The following TMEM117 variants were observed in gnomAD, a reference collection of about 807,000 sequenced individuals.
The protein encoded by TMEM117 is transmembrane protein 117.
Under a neutral mutation model 52.4 loss-of-function variants are expected in TMEM117, and 27 were observed. That is an observed-to-expected ratio of 0.51 (90% CI 0.38 to 0.71). The LOEUF (loss-of-function observed/expected upper bound fraction) is 0.71, where lower values mean the gene tolerates loss of function less well. TMEM117 is among the 30% of genes least tolerant of loss of function. The probability of loss-of-function intolerance (pLI) is 0.00; values close to 1 mark genes in which losing one functional copy is unlikely to be tolerated. For missense variants in TMEM117, 556 were observed against 630.5 expected, an observed-to-expected ratio of 0.88 and a Z score of 1.26; for synonymous variants, 215 against 206.3, an observed-to-expected ratio of 1.04 and a Z score of -0.36.
downstream of TMEM117, among the ~76,000 whole-genome samples, chr12:44,391,758 A>G (rs1341379065): frequency 2.0e-5 from 3 of 152,114 alleles, no homozygotes; most frequent in Non-Finnish European, 2.9e-5. Context: ...TTCAGCTAAG[A>G]CCTCAGTACC....
rs1038552321 is a variant in TMEM117 at position 43,929,196 on chromosome 12, T to A, written c.278-15014T>A. On this transcript the variant is annotated intron_variant, in intron 2 of 7. Transcript: ENST00000266534. ...CTGATTTCCACAATGGTTGAACTAG[T>A]TTACAGTCCCACCAACAGTGTAAAC... Among the ~76,000 whole-genome samples the A allele has an allele frequency of 4.6e-5, 7 of 152,300 alleles. No individual in the cohort carries two copies. The East Asian group carries it at 1.4e-3, about 29-fold the overall frequency.
intron 3 of TMEM117, among the ~76,000 whole-genome samples, chr12:43,995,822 A>G (rs1210058361): frequency 1.3e-5 from 2 of 152,216 alleles, no homozygotes; most frequent in African/African-American, 4.8e-5. Context: ...ATAAATTTCC[A>G]GATTATAAAA....
At chr12:44,228,370 A>C (rs1048477506) in intron 5 of TMEM117, among the ~76,000 whole-genome samples, 1 of 152,112 alleles carries the variant, frequency 6.6e-6, no homozygotes, top group Non-Finnish European at 1.5e-5. Context: ...CCTAATTATA[A>C]ATTTGACAAA....
chr12:44,063,059 G>GA (rs1947164092), intron 3 of TMEM117, among the ~76,000 whole-genome samples: 1 of 152,118 alleles, frequency 6.6e-6, no homozygotes, highest in African/African-American at 2.4e-5. Flanking sequence ...CTTCTCAGTT[G>GA]AACAGTCTGA....
chr12:44,174,049 C>A (rs1350430844), intron 4 of TMEM117, among the ~76,000 whole-genome samples: 1 of 152,008 alleles, frequency 6.6e-6, no homozygotes, highest in Non-Finnish European at 1.5e-5. Context: ...AGTTTTTAAG[C>A]TTTTTCCATG....
At chr12:43,830,610 CAAAA>C in the TMEM117 span, among the ~76,000 whole-genome samples, 7 of 94,770 alleles carry the variant, frequency 7.4e-5, no homozygotes, top group Non-Finnish European at 2.4e-5. Context: ...ACACTTGTCT[CAAAA>C]AAAAAAAAAA....
At chr12:43,948,615 C>T (rs892244046) in intron 3 of TMEM117, among the ~76,000 whole-genome samples, 17 of 152,156 alleles carry the variant, frequency 1.1e-4, no homozygotes, top group Admixed American at 5.2e-4. Context: ...CTAAACTCAT[C>T]ATTTTATAAA....
chr12:43,903,250 T>C (rs563410198), intron 2 of TMEM117, among the ~76,000 whole-genome samples: 2 of 152,320 alleles, frequency 1.3e-5, no homozygotes, highest in East Asian at 3.9e-4. Context: ...TTTTCTAGTG[T>C]GCTGGATGGG....
Position 43,979,801 on chromosome 12 carries a change from C to T in TMEM117, c.410+35459C>T, listed in dbSNP as rs189404349. On this transcript the variant is annotated intron_variant, in intron 3 of 7. Coordinates refer to ENST00000266534, the MANE Select transcript of TMEM117 (RefSeq NM_032256.3). ...TTGCTCCTCAACTAATTCATGGGCT[C>T]GTAATTTCTCTCCCTTTAAAGGCTA... Among the ~76,000 whole-genome samples the T allele has an allele frequency of 5.5e-4, 83 of 152,182 alleles. No homozygotes were observed. In the East Asian group the frequency reaches 0.011, roughly 20 times the overall value.
chr12:44,076,006 G>A (rs948172485), intron 3 of TMEM117, among the ~76,000 whole-genome samples: 27 of 152,164 alleles, frequency 1.8e-4, no homozygotes, highest in Admixed American at 1.4e-3. Flanking sequence ...TCCCTATTAG[G>A]TTTTTGAGGA....
At chr12:44,098,060 C>A (rs955844271) in intron 3 of TMEM117, among the ~76,000 whole-genome samples, 1 of 151,864 alleles carries the variant, frequency 6.6e-6, no homozygotes, top group Non-Finnish European at 1.5e-5. Context: ...GCCCCAGGGT[C>A]AGTAGGGTCT....
intron 5 of TMEM117, among the ~76,000 whole-genome samples, chr12:44,278,231 G>A (rs912405129): frequency 1.3e-5 from 2 of 152,102 alleles, no homozygotes; most frequent in African/African-American, 2.4e-5. Context: ...CATATTCATA[G>A]GTTCTACTCA....
At chr12:43,856,267 A>T (rs908344394) in intron 2 of TMEM117, among the ~76,000 whole-genome samples, 6 of 152,206 alleles carry the variant, frequency 3.9e-5, no homozygotes, top group African/African-American at 1.2e-4. Context: ...ACTCATGACA[A>T]ATATTTAATG....
intron 7 of TMEM117, among the ~76,000 whole-genome samples, chr12:44,386,733 G>A (rs1260452582): frequency 1.3e-5 from 2 of 152,042 alleles, no homozygotes; most frequent in Non-Finnish European, 2.9e-5. Context: ...GGGCTTTGGA[G>A]TGTTTAACAA....
chr12:44,342,590 A>G (rs985343339), intron 6 of TMEM117, among the ~76,000 whole-genome samples: 1 of 151,880 alleles, frequency 6.6e-6, no homozygotes, highest in Non-Finnish European at 1.5e-5. Context: ...TGTTCCCAGT[A>G]CAAAGGGTGA....
chr12:44,276,790 TTAAA>T (rs78861356), intron 5 of TMEM117, among the ~76,000 whole-genome samples: 3,974 of 152,180 alleles, frequency 0.026, 149 homozygotes, highest in African/African-American at 0.078. Flanking sequence ...AGCTAATAAA[TTAAA>T]TAAATTCAAT....
chr12:43,892,457 T>G (rs190072001), intron 2 of TMEM117, among the ~76,000 whole-genome samples: 1 of 152,316 alleles, frequency 6.6e-6, no homozygotes, highest in East Asian at 1.9e-4. Flanking sequence ...ATCGTTTATA[T>G]AAACATTTTA....
chr12:44,225,482 A>G (rs1000354980), intron 5 of TMEM117, among the ~76,000 whole-genome samples: 9 of 152,320 alleles, frequency 5.9e-5, no homozygotes, highest in African/African-American at 2.2e-4. Context: ...TTTTTTCTCT[A>G]TGAATAAATG....
At chr12:43,877,148 C>T (rs1050961129) in intron 2 of TMEM117, among the ~76,000 whole-genome samples, 1 of 152,074 alleles carries the variant, frequency 6.6e-6, no homozygotes. Flanking sequence ...AAATTATGCT[C>T]ATTTGCACAA....
Sources: allele counts gnomAD v4.1 joint callset (sites outside exome capture counted in the v4.1 genomes callset), GRCh38; gene constraint gnomAD v4.1.1; transcripts MANE v1.5; gene names NCBI Gene and HGNC (gene_info 2026-07-23, HGNC 2026-07-21).